NRXN1: variants seen among roughly 807,000 people sequenced by gnomAD.
NRXN1 encodes neurexin-1.
NRXN1 carries 39 observed loss-of-function variants against 150.9 expected under a neutral mutation model. That is an observed-to-expected ratio of 0.26 (90% CI 0.20 to 0.34). The LOEUF (loss-of-function observed/expected upper bound fraction) is 0.34. NRXN1 is among the 10% of genes least tolerant of loss of function. NRXN1 has a pLI of 1.00. For missense variants in NRXN1, 1,815 were observed against 1,949.9 expected, an observed-to-expected ratio of 0.93 and a Z score of 1.30; for synonymous variants, 924 against 757.0, an observed-to-expected ratio of 1.22 and a Z score of -3.62.
chr2:50,230,551 GGATAGCT>G (rs2152870583), intron 18 of NRXN1, among the ~76,000 whole-genome samples: 1 of 152,110 alleles, frequency 6.6e-6, no homozygotes, highest in East Asian at 1.9e-4. Context: ...GGAGACAGAA[GGATAGCT>G]GAGAAAGTGA....
chr2:50,595,423 GAA>G (rs112426586), intron 8 of NRXN1, among the ~76,000 whole-genome samples: 8 of 139,992 alleles, frequency 5.7e-5, no homozygotes, highest in African/African-American at 1.8e-4. Flanking sequence ...GTAAAAAAAG[GAA>G]AAAAAAAAAA....
intron 18 of NRXN1, among the ~76,000 whole-genome samples, chr2:50,192,134 C>T (rs1460217179): frequency 2.6e-5 from 4 of 151,986 alleles, no homozygotes; most frequent in African/African-American, 7.3e-5. Context: ...AGAATTGTGC[C>T]TGTATCCCAG....
At chr2:50,976,499 T>G (rs961338378) in intron 2 of NRXN1, among the ~76,000 whole-genome samples, 1 of 152,002 alleles carries the variant, frequency 6.6e-6, no homozygotes, top group Non-Finnish European at 1.5e-5. Flanking sequence ...CCTTTTTGAT[T>G]TGAAAAGGCA....
chr2:50,121,789 G>A (rs1048190737), intron 18 of NRXN1, among the ~76,000 whole-genome samples: 2 of 152,152 alleles, frequency 1.3e-5, no homozygotes, highest in Non-Finnish European at 2.9e-5. Context: ...AAGGATTAGC[G>A]AGATTGAATC....
chr2:51,018,126 A>G (rs1669023313), intron 2 of NRXN1, among the ~76,000 whole-genome samples: 1 of 152,102 alleles, frequency 6.6e-6, no homozygotes, highest in African/African-American at 2.4e-5. Flanking sequence ...GTACCTCCTA[A>G]GCTCTCATCA....
intron 18 of NRXN1, among the ~76,000 whole-genome samples, chr2:50,092,799 T>C (rs553240256): frequency 9.2e-5 from 14 of 152,316 alleles, no homozygotes; most frequent in African/African-American, 3.4e-4. Flanking sequence ...TCTGTTGGTT[T>C]TCTTCCCCCT....
intron 17 of NRXN1, among the ~76,000 whole-genome samples, chr2:50,416,723 A>C (rs1412029713): frequency 6.6e-6 from 1 of 151,988 alleles, no homozygotes; most frequent in East Asian, 2.0e-4. Context: ...AGTCCCAAGC[A>C]AAGAGGGAAA....
chr2:50,536,204 G>A (rs1437233280), intron 10 of NRXN1, among the ~76,000 whole-genome samples: 2 of 152,138 alleles, frequency 1.3e-5, no homozygotes, highest in Middle Eastern at 3.2e-3. Context: ...GCACCCTAAC[G>A]TGAGCAAGAA....
At chr2:49,971,769 T>C (rs995445499) in intron 21 of NRXN1, among the ~76,000 whole-genome samples, 1 of 152,158 alleles carries the variant, frequency 6.6e-6, no homozygotes, top group African/African-American at 2.4e-5. Context: ...CAGAAATAAG[T>C]TGGCTTTATT....
chr2:50,260,217 C>T (rs547256120), intron 17 of NRXN1, among the ~76,000 whole-genome samples: 4 of 151,868 alleles, frequency 2.6e-5, no homozygotes, highest in African/African-American at 9.6e-5. Flanking sequence ...CCATATGATG[C>T]CTTTAGGAAA....
At chr2:50,689,823 GC>G (rs1430463786) in intron 5 of NRXN1, among the ~76,000 whole-genome samples, 4 of 150,706 alleles carry the variant, frequency 2.7e-5, no homozygotes, top group Non-Finnish European at 5.9e-5. Flanking sequence ...CCCATTTGAG[GC>G]TTCCCATCAG....
intron 17 of NRXN1, among the ~76,000 whole-genome samples, chr2:50,379,186 C>G (rs1283162984): frequency 6.6e-6 from 1 of 152,086 alleles, no homozygotes; most frequent in Non-Finnish European, 1.5e-5. Context: ...AAGAGATGAA[C>G]AGAGACTGGA....
At chr2:50,349,592 T>C (rs1166231620) in intron 17 of NRXN1, among the ~76,000 whole-genome samples, 1 of 152,204 alleles carries the variant, frequency 6.6e-6, no homozygotes, top group African/African-American at 2.4e-5. Flanking sequence ...TTACATCACA[T>C]TAGTTACTGA....
chr2:50,373,719 A>C (rs556074388), intron 17 of NRXN1, among the ~76,000 whole-genome samples: 171 of 147,984 alleles, frequency 1.2e-3, no homozygotes, highest in Non-Finnish European at 1.8e-3. Context: ...AAGAGAAAGA[A>C]AGACAGACAG....
At chr2:50,659,587 C>T (rs1356863367) in intron 5 of NRXN1, among the ~76,000 whole-genome samples, 2 of 151,644 alleles carry the variant, frequency 1.3e-5, no homozygotes, top group Admixed American at 6.6e-5. Flanking sequence ...AATTTCTTTA[C>T]ATTTAGAAAC....
At chr2:50,355,870 G>A (rs1286230198) in intron 17 of NRXN1, among the ~76,000 whole-genome samples, 2 of 152,120 alleles carry the variant, frequency 1.3e-5, no homozygotes, top group African/African-American at 4.8e-5. Context: ...AAAGCCAACA[G>A]AGAAATGAAA....
chr2:50,842,560 A>C lies in NRXN1; in HGVS notation c.832+79309T>G, dbSNP rs756511107. Among the ~76,000 whole-genome samples, 3 of 152,164 alleles carry C rather than the reference A, an allele frequency of 2.0e-5. No homozygotes were observed. The East Asian group carries it at 5.8e-4, about 29-fold the overall frequency. Reference sequence around the variant, plus strand: ...ATGGCATTCAGGGTGTCAGCATTGGAAATATCTGCTTTAGCGTCTAAATAT... The same window carrying C: ...ATGGCATTCAGGGTGTCAGCATTGGCAATATCTGCTTTAGCGTCTAAATAT... On this transcript the variant is annotated intron_variant, in intron 5 of 22. Coordinates refer to ENST00000401669, the MANE Select transcript of NRXN1 (RefSeq NM_001330078.2).
At chr2:50,978,332 G>A (rs1696250956) in intron 2 of NRXN1, among the ~76,000 whole-genome samples, 1 of 117,702 alleles carries the variant, frequency 8.5e-6, no homozygotes, top group Non-Finnish European at 1.8e-5. Context: ...AGATAGATTT[G>A]TTTTTAAATG....
intron 12 of NRXN1, among the ~76,000 whole-genome samples, chr2:50,516,599 T>C (rs1314805210): frequency 3.3e-5 from 5 of 152,130 alleles, no homozygotes; most frequent in Non-Finnish European, 7.4e-5. Context: ...GGCTTGGTGA[T>C]ACACCAATAA....
Sources: allele counts gnomAD v4.1 joint callset (sites outside exome capture counted in the v4.1 genomes callset), GRCh38; gene constraint gnomAD v4.1.1; transcripts MANE v1.5; gene names NCBI Gene and HGNC (gene_info 2026-07-23, HGNC 2026-07-21).